Variants in PARVG observed in about 807,000 individuals in gnomAD.
PARVG encodes the protein gamma-parvin.
A neutral mutation model predicts 44.4 loss-of-function variants in PARVG; 36 were observed. That is an observed-to-expected ratio of 0.81 (90% CI 0.62 to 1.07). The LOEUF is 1.07. PARVG is among the 50% of genes least tolerant of loss of function. The probability of loss-of-function intolerance (pLI) is 0.00; values close to 1 mark genes in which losing one functional copy is unlikely to be tolerated. For missense variants in PARVG, 407 were observed against 407.4 expected, an observed-to-expected ratio of 1.00 and a Z score of 0.01; for synonymous variants, 170 against 174.1, an observed-to-expected ratio of 0.98 and a Z score of 0.19.
chr22:44,199,456 G>A (rs569992556), intron 12 of PARVG, among the ~76,000 whole-genome samples: 62 of 152,158 alleles, frequency 4.1e-4, no homozygotes, highest in African/African-American at 1.4e-3. Context: ...CTACCCACAC[G>A]CCTGTTCCCC....
intron 12 of PARVG, among the ~76,000 whole-genome samples, chr22:44,201,202 G>C (rs1186125643): frequency 6.6e-6 from 1 of 152,118 alleles, no homozygotes; most frequent in Non-Finnish European, 1.5e-5. Context: ...GCGCTCTGTG[G>C]GGCCCTGTAC....
chr22:44,190,423 G>A, intron 6 of PARVG, 128 bp from the exon 7 acceptor site: 1 of 678,642 alleles, frequency 1.5e-6, no homozygotes, highest in South Asian at 1.7e-5. Flanking sequence ...CCAGATCTCT[G>A]CTCTCCAGAA....
intron 5 of PARVG, chr22:44,188,134 C>G (rs910854687): frequency 1.8e-6 from 1 of 552,410 alleles, no homozygotes; most frequent in Non-Finnish European, 3.3e-6. Flanking sequence ...CACCACACTG[C>G]CTCTCTAACA....
upstream of PARVG, among the ~76,000 whole-genome samples, chr22:44,176,062 T>G (rs1378506989): frequency 6.6e-6 from 1 of 152,184 alleles, no homozygotes. Flanking sequence ...CTTTGGAATG[T>G]AGTGCTAGAT....
chr22:44,196,452 G>A (rs1051841284), intron 11 of PARVG, 37 bp downstream of exon 11: 1 of 1,609,912 alleles, frequency 6.2e-7, no homozygotes, highest in Non-Finnish European at 8.5e-7. Context: ...GGCAGGGCAG[G>A]GCCACTGGCC....
upstream of PARVG, among the ~76,000 whole-genome samples, chr22:44,180,712 C>T (rs538407911): frequency 1.3e-5 from 2 of 152,296 alleles, no homozygotes; most frequent in South Asian, 4.1e-4. Flanking sequence ...ACCAATGACT[C>T]CATAAATATT....
chr22:44,184,218 G>A (rs758047836), intron 3 of PARVG: 1 of 152,318 alleles, frequency 6.6e-6, no homozygotes, highest in Non-Finnish European at 1.5e-5. Flanking sequence ...GAACTCATTG[G>A]AATTTATGTA....
chr22:44,181,988 T>A, intron 2 of PARVG, 71 bp downstream of exon 2: 1 of 981,096 alleles, frequency 1.0e-6, no homozygotes, highest in Non-Finnish European at 1.2e-6. Flanking sequence ...AGACACCACC[T>A]GGGAAGGATC....
Position 44,196,220 on chromosome 22 carries a change from G to C in PARVG, c.642+7G>C, listed in dbSNP as rs753419028. On this transcript the variant is annotated splice_region_variant and intron_variant, in intron 10 of 13. Transcript: ENST00000444313. ...AGTGAACGCAGTGAAAGAGGTAGGA[G>C]AGATCAAAGCTCTCAGCGGCTCTCA... 6.2e-7 allele frequency: 1 copy of C among 1,614,212 alleles called. No homozygotes were observed. The highest frequency in any genetic ancestry group is 8.5e-7 in the Non-Finnish European group (1 of 1,180,016).
At chr22:44,174,407 A>C (rs1429183025) in intron 1 of PARVG, among the ~76,000 whole-genome samples, 3 of 152,116 alleles carry the variant, frequency 2.0e-5, no homozygotes, top group Non-Finnish European at 2.9e-5. Context: ...CTATTATAAA[A>C]ATTGGTTTTG....
intron 13 of PARVG, 22 bp from the exon 14 acceptor site, chr22:44,206,295 C>G (rs371393638): frequency 1.3e-6 from 2 of 1,584,712 alleles, no homozygotes; most frequent in African/African-American, 1.3e-5. Flanking sequence ...GACTGGCTGC[C>G]CTGCCCTCCT....
intron 4 of PARVG, chr22:44,187,536 A>G (rs928476486): frequency 5.2e-6 from 3 of 574,514 alleles, no homozygotes; most frequent in Non-Finnish European, 9.4e-6. Context: ...CTCACACATG[A>G]TAATGACAGC....
chr22:44,194,880 T>C (rs2054598760), intron 9 of PARVG, among the ~76,000 whole-genome samples: 1 of 151,972 alleles, frequency 6.6e-6, no homozygotes, highest in South Asian at 2.1e-4. Context: ...TATCCATCCA[T>C]CCATTCATCT....
chr22:44,182,868 C>T lies in PARVG; in HGVS notation c.-12-450C>T, dbSNP rs1324267626. ...TTATGGGATGGGAGATGTCACCATTCCACGTATCCACCTCAGCCAGCCCCA... is the reference window on the plus strand; with the variant it reads ...TTATGGGATGGGAGATGTCACCATTTCACGTATCCACCTCAGCCAGCCCCA... On this transcript the variant is annotated intron_variant, in intron 2 of 13. Coordinates refer to ENST00000444313, the MANE Select transcript of PARVG (RefSeq NM_022141.7). The surrounding 1 kb of genome is among the most constrained non-coding windows in gnomAD (Gnocchi z 4.6). Among the ~76,000 whole-genome samples, 1 of 152,188 alleles carries T rather than the reference C, an allele frequency of 6.6e-6. No individual in the cohort carries two copies. The highest frequency in any genetic ancestry group is 1.5e-5 in the Non-Finnish European group (1 of 68,026).
At chr22:44,190,513 G>T (rs1168053018) in intron 6 of PARVG, 38 bp from the exon 7 acceptor site, 1 of 1,534,864 alleles carries the variant, frequency 6.5e-7, no homozygotes, top group South Asian at 1.1e-5. Flanking sequence ...CGTTTTGGCG[G>T]CCTCCTGGGC....
intron 5 of PARVG, 99 bp downstream of exon 5, chr22:44,187,977 A>G: frequency 1.6e-6 from 2 of 1,224,612 alleles, no homozygotes; most frequent in Non-Finnish European, 1.2e-6. Flanking sequence ...AGTCCCCACA[A>G]TGGTCCCGGG....
intron 12 of PARVG, among the ~76,000 whole-genome samples, chr22:44,204,347 G>C (rs776723546): frequency 2.0e-5 from 3 of 152,172 alleles, no homozygotes; most frequent in Admixed American, 6.5e-5. Context: ...TTCTGTGTCC[G>C]TCATCACATT....
rs1414197748 is a variant in PARVG, at chr22:44,196,407, G to A, written c.703G>A (p.Asp235Asn). The change falls in exon 11 of 14, where the codon GAC becomes AAC. Residue 235 changes from aspartate to asparagine, a missense_variant. Coordinates refer to ENST00000444313, the MANE Select transcript of PARVG (RefSeq NM_022141.7). The stretch of plus-strand genomic sequence containing the variant: ...CCTGGGCCTGTCTGTGCAGAATCTG[G>A]ACACCCAGGTAGGGACTGAGCTGCG... ...DRLGLSVQNL[D>N]TQFADGVILL... The A allele has an allele frequency of 3.7e-6, 6 of 1,614,068 alleles. No individual in the cohort carries two copies. The highest frequency in any genetic ancestry group is 1.7e-5 in the Admixed American group (1 of 60,016).
chr22:44,173,707 C>A (rs1392867631), intron 1 of PARVG, among the ~76,000 whole-genome samples: 1 of 152,220 alleles, frequency 6.6e-6, no homozygotes, highest in Admixed American at 6.5e-5. Flanking sequence ...CAACCTCCTT[C>A]TTTCAAAGTC....
Sources: gnomAD v4.1 joint callset for allele counts (sites outside exome capture counted in the v4.1 genomes callset) on GRCh38, gnomAD v4.1.1 for gene constraint, Gnocchi (gnomAD v3.1) non-coding constraint, MANE v1.5 for transcripts, NCBI Gene and HGNC (gene_info 2026-07-23, HGNC 2026-07-21) for gene names.